Variants in LSM12 observed in about 807,000 individuals in gnomAD.
LSM12 encodes LSM12 homolog, also known as protein LSM12.
For missense variants in LSM12, 108 were observed against 238.9 expected, an observed-to-expected ratio of 0.45 and a Z score of 3.61; for synonymous variants, 74 against 87.3, an observed-to-expected ratio of 0.85 and a Z score of 0.85.
intron 2 of LSM12, among the ~76,000 whole-genome samples, chr17:44,049,247 T>C (rs919797355): frequency 5.3e-5 from 8 of 152,286 alleles, no homozygotes; most frequent in Non-Finnish European, 7.4e-5. Flanking sequence ...CTTCTAATCA[T>C]GCCTGATGCT....
chr17:44,044,047 G>A (rs970442935), intron 2 of LSM12, among the ~76,000 whole-genome samples: 3 of 152,118 alleles, frequency 2.0e-5, no homozygotes, highest in Non-Finnish European at 2.9e-5. Flanking sequence ...TAGTCTGAAC[G>A]TTCAAAGAGT....
At position 44,036,256 on chromosome 17, in the gene LSM12, T is replaced by C. The variant is rs1297422548; in HGVS notation, c.540A>G (p.Gln180=). Residue 180 remains glutamine (Q), a synonymous_variant, in exon 5 of 5, where the codon CAA becomes CAG. Coordinates refer to ENST00000293406, the MANE Select transcript of LSM12 (RefSeq NM_001371445.1). ...TCTGTGGTTGCTGGGCTTGTGAACG[T>C]TGCAGTATCTTTTGGCTTTCCACGT... The part of the protein sequence containing the change: ...FRDVESQKIL[Q]RSQAQQPQKE... The C allele has an allele frequency of 2.5e-6, 4 of 1,613,712 alleles. No homozygotes were observed. The highest frequency in any genetic ancestry group is 1.6e-4 in the Middle Eastern group (1 of 6,062).
chr17:44,066,701 G>A (rs1018941710), upstream of LSM12: 1 of 1,208,722 alleles, frequency 8.3e-7, no homozygotes, highest in Non-Finnish European at 1.0e-6. Context: ...GTCACACGCC[G>A]GGGCGTGGCC....
intron 2 of LSM12, among the ~76,000 whole-genome samples, chr17:44,061,883 C>A (rs1274745480): frequency 6.6e-6 from 1 of 152,120 alleles, no homozygotes; most frequent in African/African-American, 2.4e-5. Context: ...TAGGTATGGT[C>A]CCCATCCCTG....
chr17:44,066,978 C>T (rs2049888878), upstream of LSM12, among the ~76,000 whole-genome samples: 2 of 152,158 alleles, frequency 1.3e-5, no homozygotes, highest in South Asian at 4.1e-4. Flanking sequence ...GGAATCAGAG[C>T]CTCAGAGGAC....
At chr17:44,054,096 T>C (rs1385413147) in intron 2 of LSM12, among the ~76,000 whole-genome samples, 1 of 152,192 alleles carries the variant, frequency 6.6e-6, no homozygotes, top group Non-Finnish European at 1.5e-5. Flanking sequence ...ACAATTCTCC[T>C]ACTCCCCACT....
intron 2 of LSM12, among the ~76,000 whole-genome samples, chr17:44,044,485 A>G (rs1452373049): frequency 6.6e-6 from 1 of 152,210 alleles, no homozygotes; most frequent in Non-Finnish European, 1.5e-5. Context: ...GCACTTAGAA[A>G]AGTCAGCAGA....
rs1473485521 is a variant in LSM12, at chr17:44,034,991, G to C, written c.*1217C>G. ...GGCTAAAGTCCAGAAATTCTTTCCA[G>C]GTTTTCTGCTCATTGGCTGAGCACA... On this transcript the variant is annotated 3_prime_UTR_variant, in exon 5 of 5. Coordinates refer to ENST00000293406, the MANE Select transcript of LSM12 (RefSeq NM_001371445.1). The C allele has an allele frequency of 1.0e-3, 17 of 16,894 alleles. No homozygotes were observed. Among genetic ancestry groups the C allele is most frequent in the Non-Finnish European group, 1.6e-3 (13 of 8,156 alleles). 1.0% of individuals were successfully genotyped at this position (16,894 alleles called of 1,614,324 possible).
At chr17:44,042,201 C>T (rs547828342) in intron 2 of LSM12, among the ~76,000 whole-genome samples, 1 of 151,684 alleles carries the variant, frequency 6.6e-6, no homozygotes, top group Non-Finnish European at 1.5e-5. Flanking sequence ...ACAGGAGAAT[C>T]GCTTGAACAC....
chr17:44,065,986 C>A (rs2049868773), intron 1 of LSM12, among the ~76,000 whole-genome samples: 1 of 152,116 alleles, frequency 6.6e-6, no homozygotes, highest in Non-Finnish European at 1.5e-5. Context: ...ACCATCCCAC[C>A]GCCCTTCCTT....
At chr17:44,045,887 G>A (rs554734877) in intron 2 of LSM12, among the ~76,000 whole-genome samples, 20 of 150,776 alleles carry the variant, frequency 1.3e-4, no homozygotes, top group African/African-American at 4.4e-4. Flanking sequence ...CCAGTTTTTG[G>A]CAGCAGTCAC....
chr17:44,053,943 A>C (rs1470712022), intron 2 of LSM12, among the ~76,000 whole-genome samples: 12 of 152,172 alleles, frequency 7.9e-5, no homozygotes, highest in Non-Finnish European at 1.5e-4. Flanking sequence ...TGGAGGAATT[A>C]CCACCACTGA....
upstream of LSM12, chr17:44,066,812 C>G (rs1452506231): frequency 2.5e-6 from 1 of 402,702 alleles, no homozygotes; most frequent in Non-Finnish European, 4.0e-6. Context: ...CGGTTAAGTG[C>G]TTGTAGAGTC....
chr17:44,050,640 C>A (rs2049631089), intron 2 of LSM12, among the ~76,000 whole-genome samples: 1 of 152,142 alleles, frequency 6.6e-6, no homozygotes, highest in Admixed American at 6.5e-5. Context: ...ACTGCCTCAG[C>A]CTCCAGAGTA....
At chr17:44,063,469 CA>C (rs2049826480) in intron 2 of LSM12, among the ~76,000 whole-genome samples, 1 of 151,954 alleles carries the variant, frequency 6.6e-6, no homozygotes, top group African/African-American at 2.4e-5. Flanking sequence ...TCCACATATA[CA>C]CAATTTGAAG....
At chr17:44,057,166 T>C (rs887531170) in intron 2 of LSM12, among the ~76,000 whole-genome samples, 3 of 150,342 alleles carry the variant, frequency 2.0e-5, no homozygotes, top group Non-Finnish European at 3.0e-5. Flanking sequence ...TCTTTTTTTT[T>C]TGAGACGGAG....
At chr17:44,052,901 TATAA>T (rs749863993) in intron 2 of LSM12, among the ~76,000 whole-genome samples, 57 of 152,010 alleles carry the variant, frequency 3.7e-4, no homozygotes, top group East Asian at 9.6e-4. Flanking sequence ...GTCTTAAAAA[TATAA>T]ATAAATAAAT....
chr17:44,053,874 C>T (rs1047641281), intron 2 of LSM12, among the ~76,000 whole-genome samples: 2 of 152,124 alleles, frequency 1.3e-5, no homozygotes, highest in African/African-American at 2.4e-5. Context: ...TCCCCTATCC[C>T]ACCCCAAGCC....
intron 2 of LSM12, among the ~76,000 whole-genome samples, chr17:44,044,778 C>A (rs1331875423): frequency 1.3e-5 from 2 of 152,198 alleles, no homozygotes; most frequent in African/African-American, 4.8e-5. Context: ...TCATGCAGAA[C>A]ATGAATATGC....
Sources: allele counts gnomAD v4.1 joint callset (sites outside exome capture counted in the v4.1 genomes callset), GRCh38; gene constraint gnomAD v4.1.1; transcripts MANE v1.5; gene names NCBI Gene and HGNC (gene_info 2026-07-23, HGNC 2026-07-21).